The following MGAT4C variants were observed in gnomAD, a reference collection of about 807,000 sequenced individuals.
MGAT4C encodes MGAT4 family member C, also known as alpha-1,3-mannosyl-glycoprotein 4-beta-N-acetylglucosaminyltransferase C.
In MGAT4C, 19 loss-of-function variants were observed where a neutral mutation model predicts 40.1. That is an observed-to-expected ratio of 0.47 (90% confidence interval 0.33 to 0.70). The LOEUF is 0.70. Among genes scored for constraint, MGAT4C ranks in the 30% least tolerant of loss-of-function variants. The pLI is 0.02. For synonymous variants in MGAT4C, 181 were observed against 187.1 expected, an observed-to-expected ratio of 0.97 and a Z score of 0.27; for missense variants, 491 against 563.2, an observed-to-expected ratio of 0.87 and a Z score of 1.30.
intron 2 of MGAT4C, among the ~76,000 whole-genome samples, chr12:86,437,258 G>T (rs931822387): frequency 9.2e-5 from 14 of 151,746 alleles, no homozygotes; most frequent in Admixed American, 7.2e-4. Flanking sequence ...ATTTTTACTA[G>T]TTATTTTCCA....
chr12:86,744,506 T>G lies in MGAT4C; in HGVS notation c.-261-17265A>C, dbSNP rs367889279. 3.3e-5 allele frequency among the ~76,000 whole-genome samples: 5 copies of G among 151,466 alleles called. No individual in the cohort carries two copies. The South Asian group carries it at 1.0e-3, about 31-fold the overall frequency. ...CAAGTTCATAGTACATTTTGGTTCA[T>G]CTAAAACTCCAGTGGAACTCTGCCT... On this transcript the variant is annotated intron_variant, in intron 1 of 7. Transcript: ENST00000548651.
At chr12:86,352,560 A>G (rs1955187756) in intron 3 of MGAT4C, among the ~76,000 whole-genome samples, 1 of 152,144 alleles carries the variant, frequency 6.6e-6, no homozygotes. Flanking sequence ...ATATCAGTAC[A>G]AATTGTACTT....
At chr12:86,192,342 T>A (rs569331719) in intron 1 of MGAT4C, among the ~76,000 whole-genome samples, 1 of 152,232 alleles carries the variant, frequency 6.6e-6, no homozygotes, top group South Asian at 2.1e-4. Context: ...GTGGGACATA[T>A]TTTGATCAGC....
intron 1 of MGAT4C, among the ~76,000 whole-genome samples, chr12:86,765,804 ACAAG>A (rs1425526991): frequency 6.6e-6 from 1 of 152,196 alleles, no homozygotes; most frequent in African/African-American, 2.4e-5. Flanking sequence ...TACTTTACAG[ACAAG>A]CAAATGCTGA....
chr12:86,705,337 A>C (rs2136622276), intron 2 of MGAT4C, among the ~76,000 whole-genome samples: 1 of 152,102 alleles, frequency 6.6e-6, no homozygotes, highest in African/African-American at 2.4e-5. Flanking sequence ...TTTGCTACTA[A>C]GAGGCTGGGT....
At position 85,974,649 on chromosome 12, in the gene MGAT4C, T is replaced by C. The variant is rs1009052809; in HGVS notation, c.*4640A>G. 6 of 150,514 alleles carry C rather than the reference T, an allele frequency of 4.0e-5. No individual in the cohort carries two copies. The highest frequency in any genetic ancestry group is 6.8e-3 in the Middle Eastern group (2 of 292). 9.3% of individuals were successfully genotyped at this position (150,514 alleles called of 1,614,324 possible). On this transcript the variant is annotated 3_prime_UTR_variant, in exon 5 of 5. Transcript: ENST00000611864. Reference sequence around the variant, plus strand: ...GCATGCCAAAAAGTAATAAAAGATATATCCTCTGTTTGGGATAAATAAAAA... The same window carrying C: ...GCATGCCAAAAAGTAATAAAAGATACATCCTCTGTTTGGGATAAATAAAAA...
intron 2 of MGAT4C, among the ~76,000 whole-genome samples, chr12:86,047,067 G>A (rs552076551): frequency 6.6e-6 from 1 of 152,226 alleles, no homozygotes; most frequent in South Asian, 2.1e-4. Flanking sequence ...AATATTAATA[G>A]ATGAAAATCG....
intron 2 of MGAT4C, among the ~76,000 whole-genome samples, chr12:86,666,060 T>C (rs548367395): frequency 1.3e-5 from 2 of 152,300 alleles, no homozygotes; most frequent in Non-Finnish European, 2.9e-5. Context: ...CCAATGAAAC[T>C]GGAAAAGTAG....
intron 2 of MGAT4C, among the ~76,000 whole-genome samples, chr12:86,489,881 T>C (rs1958097946): frequency 6.6e-6 from 1 of 152,030 alleles, no homozygotes; most frequent in Non-Finnish European, 1.5e-5. Flanking sequence ...GAAAAAAGAA[T>C]AAAAAGAAAT....
intron 2 of MGAT4C, among the ~76,000 whole-genome samples, chr12:86,565,075 T>C (rs1480253354): frequency 6.6e-6 from 1 of 152,120 alleles, no homozygotes; most frequent in African/African-American, 2.4e-5. Context: ...GTTACTGCGC[T>C]TTGGTAGAAA....
At chr12:86,765,543 C>T (rs1951490181) in intron 1 of MGAT4C, among the ~76,000 whole-genome samples, 1 of 152,050 alleles carries the variant, frequency 6.6e-6, no homozygotes, top group South Asian at 2.1e-4. Context: ...TTGAGAAGAG[C>T]AACTCCAAGA....
At chr12:86,668,502 C>T (rs972593230) in intron 2 of MGAT4C, among the ~76,000 whole-genome samples, 2 of 152,218 alleles carry the variant, frequency 1.3e-5, no homozygotes, top group African/African-American at 4.8e-5. Context: ...GGCAAAGACA[C>T]TGGGAACAGC....
intron 3 of MGAT4C, among the ~76,000 whole-genome samples, chr12:86,385,076 AT>A (rs1482347212): frequency 1.3e-5 from 2 of 152,228 alleles, no homozygotes; most frequent in Non-Finnish European, 2.9e-5. Flanking sequence ...AACTAAAAAA[AT>A]GATTGAACTC....
At chr12:86,643,591 A>G (rs772149227) in intron 2 of MGAT4C, among the ~76,000 whole-genome samples, 8 of 151,856 alleles carry the variant, frequency 5.3e-5, no homozygotes. Context: ...GCTACACACA[A>G]AAGGCTAATC....
At chr12:86,227,993 A>T (rs1951163148) in intron 1 of MGAT4C, among the ~76,000 whole-genome samples, 1 of 151,862 alleles carries the variant, frequency 6.6e-6, no homozygotes, top group African/African-American at 2.4e-5. Context: ...CAAGTATAAT[A>T]GCATATTGTT....
At chr12:86,017,521 AT>A (rs1889219194) in intron 2 of MGAT4C, among the ~76,000 whole-genome samples, 4 of 152,198 alleles carry the variant, frequency 2.6e-5, no homozygotes, top group Non-Finnish European at 5.9e-5. Flanking sequence ...ATAAATATAA[AT>A]ATCTTTTAAC....
At chr12:86,641,280 A>C (rs932685691) in intron 2 of MGAT4C, among the ~76,000 whole-genome samples, 19 of 151,776 alleles carry the variant, frequency 1.3e-4, no homozygotes, top group African/African-American at 4.6e-4. Context: ...CAAAAAACCA[A>C]ACACCACATA....
chr12:86,438,451 C>G (rs917516865), intron 2 of MGAT4C, among the ~76,000 whole-genome samples: 3 of 151,788 alleles, frequency 2.0e-5, no homozygotes, highest in Non-Finnish European at 4.4e-5. Flanking sequence ...AGCAAGTTAT[C>G]CAGAAGATCA....
intron 2 of MGAT4C, among the ~76,000 whole-genome samples, chr12:86,547,583 G>T (rs1041272938): frequency 6.6e-6 from 1 of 151,968 alleles, no homozygotes; most frequent in South Asian, 2.1e-4. Flanking sequence ...ATTTAAGCTT[G>T]TATCTGTTAG....
Sources: allele counts gnomAD v4.1 joint callset (sites outside exome capture counted in the v4.1 genomes callset), GRCh38; gene constraint gnomAD v4.1.1; transcripts MANE v1.5; gene names NCBI Gene and HGNC (gene_info 2026-07-23, HGNC 2026-07-21).